Variants in BLTP1 observed in about 807,000 individuals in gnomAD.
BLTP1 encodes the protein bridge-like lipid transfer protein family member 1.
At chr4:122,187,768 C>T in the BLTP1 span, 1 of 1,111,714 alleles carries the variant, frequency 9.0e-7, no homozygotes, top group Non-Finnish European at 1.2e-6. Context: ...TTAAATAGCA[C>T]ATAGTCCTAA....
chr4:122,275,939 T>G, the BLTP1 span: 1 of 1,514,414 alleles, frequency 6.6e-7, no homozygotes, highest in African/African-American at 1.4e-5. Context: ...CTCCTTTTTG[T>G]TTTCCCACTT....
At chr4:122,246,541 G>A in the BLTP1 span, 1 of 1,091,246 alleles carries the variant, frequency 9.2e-7, no homozygotes, top group Non-Finnish European at 1.3e-6. Flanking sequence ...TATTTTATGA[G>A]AATCTGTATT....
At chr4:122,361,749 T>C in the BLTP1 span, among the ~76,000 whole-genome samples, 1 of 152,222 alleles carries the variant, frequency 6.6e-6, no homozygotes, top group Non-Finnish European at 1.5e-5. Context: ...TTTATATGTT[T>C]AAGATAACTG....
the BLTP1 span, chr4:122,345,948 T>C: frequency 1.2e-6 from 1 of 847,952 alleles, no homozygotes; most frequent in Non-Finnish European, 1.4e-6. Context: ...GAAGGAGCAG[T>C]GAAGCCATTA....
At chr4:122,168,065 T>TA in the BLTP1 span, 3 of 192,550 alleles carry the variant, frequency 1.6e-5, no homozygotes, top group African/African-American at 7.1e-5. Flanking sequence ...CTTCTTACTT[T>TA]AGGGGCTTTT....
the BLTP1 span, chr4:122,348,911 T>C: frequency 3.7e-6 from 2 of 544,940 alleles, no homozygotes; most frequent in Non-Finnish European, 6.3e-6. Context: ...GAAATATATG[T>C]TCTATAAAAA....
At chr4:122,244,542 TATA>T in the BLTP1 span, 33 of 347,050 alleles carry the variant, frequency 9.5e-5, no homozygotes, top group Middle Eastern at 1.4e-3. Flanking sequence ...ATTACAATAA[TATA>T]ATATTACATA....
chr4:122,192,000 CATG>C, the BLTP1 span, among the ~76,000 whole-genome samples: 2 of 151,926 alleles, frequency 1.3e-5, no homozygotes, highest in Non-Finnish European at 2.9e-5. Flanking sequence ...TTTATGTCAA[CATG>C]AGTTTATTTT....
the BLTP1 span, among the ~76,000 whole-genome samples, chr4:122,309,950 G>A: frequency 6.6e-6 from 1 of 151,918 alleles, no homozygotes; most frequent in East Asian, 1.9e-4. Context: ...TTCAAGGTTG[G>A]GTATAACTAA....
At chr4:122,246,633 T>C in the BLTP1 span, 1 of 1,582,248 alleles carries the variant, frequency 6.3e-7, no homozygotes, top group Admixed American at 1.8e-5. Flanking sequence ...ATTTTATGTT[T>C]AAGTGGTAAT....
the BLTP1 span, chr4:122,246,882 C>G: frequency 3.7e-5 from 58 of 1,549,232 alleles, no homozygotes; most frequent in African/African-American, 5.4e-4. Flanking sequence ...ATCATCTTTT[C>G]TTTTAAAAAT....
chr4:122,250,252 A>G, the BLTP1 span: 2 of 1,164,014 alleles, frequency 1.7e-6, no homozygotes, highest in Non-Finnish European at 2.4e-6. Flanking sequence ...TAGGGCAAAG[A>G]CTTGGTGAGA....
chr4:122,167,898 T>C, the BLTP1 span: 1 of 985,276 alleles, frequency 1.0e-6, no homozygotes, highest in Non-Finnish European at 1.2e-6. Context: ...TGTTCCACCG[T>C]TTGCTCCATG....
the BLTP1 span, chr4:122,197,342 AATCAT>A: frequency 8.4e-7 from 1 of 1,191,800 alleles, no homozygotes; most frequent in Non-Finnish European, 1.1e-6. Context: ...AAAGTTTGTT[AATCAT>A]CTTAGACTAA....
chr4:122,245,041 T>C, the BLTP1 span: 6 of 1,610,290 alleles, frequency 3.7e-6, no homozygotes, highest in Non-Finnish European at 4.2e-6. Context: ...CAATGGTTCA[T>C]TGTGCTAGTA....
the BLTP1 span, chr4:122,214,283 T>C: frequency 1.1e-6 from 1 of 932,940 alleles, no homozygotes; most frequent in South Asian, 5.0e-5. Context: ...AATACCATTA[T>C]GTAAAGAAAA....
chr4:122,189,053 T>G, the BLTP1 span: 1 of 984,718 alleles, frequency 1.0e-6, no homozygotes, highest in Non-Finnish European at 1.2e-6. Context: ...CAAATGTGTA[T>G]GAGTGAAGGT....
chr4:122,321,822 A>G, the BLTP1 span, among the ~76,000 whole-genome samples: 4 of 92,976 alleles, frequency 4.3e-5, no homozygotes, highest in Non-Finnish European at 8.7e-5. Context: ...TTTGCAAGGT[A>G]TATGATTCTA....
chr4:122,220,321 A>T, the BLTP1 span: 1 of 1,611,312 alleles, frequency 6.2e-7, no homozygotes. Context: ...GTGCTATTTC[A>T]TTTGACTGTA....
Sources: allele counts gnomAD v4.1 joint callset (sites outside exome capture counted in the v4.1 genomes callset), GRCh38; gene constraint gnomAD v4.1.1; transcripts MANE v1.5; gene names NCBI Gene and HGNC (gene_info 2026-07-23, HGNC 2026-07-21).